Variants in ABCC3 observed in about 807,000 individuals in gnomAD.
ABCC3 encodes ATP-binding cassette sub-family C member 3.
Under a neutral mutation model 165.3 loss-of-function variants are expected in ABCC3, and 121 were observed. The ratio of observed to expected loss-of-function variants is 0.73; its 90% confidence interval spans 0.63 to 0.85. The LOEUF (loss-of-function observed/expected upper bound fraction) is 0.85. Ranked by LOEUF, ABCC3 falls within the 40% of genes least tolerant of loss-of-function variation. The pLI is 0.00. For missense variants in ABCC3, 1,869 were observed against 1,964.1 expected (o/e 0.95, Z 0.92); for synonymous variants, 733 against 810.1 (o/e 0.90, Z 1.62).
rs771299767 is a variant in ABCC3 at position 50,658,049 on chromosome 17, G to A, written c.487-33G>A. 12 of 1,613,540 alleles carry A rather than the reference G, an allele frequency of 7.4e-6. No homozygotes were observed. The Admixed American group carries it at 2.0e-4, about 27-fold the overall frequency. On this transcript the variant is annotated intron_variant, in intron 4 of 30. Transcript: ENST00000285238. The stretch of plus-strand genomic sequence containing the variant: ...GGGGCTGCAGGCCCAGGCTTTTCCA[G>A]TGCTTCTGACGCCCCTCCACTCTCC...
At chr17:50,650,144 C>T (rs540332059) in intron 1 of ABCC3, among the ~76,000 whole-genome samples, 11 of 152,178 alleles carry the variant, frequency 7.2e-5, no homozygotes, top group Non-Finnish European at 1.3e-4. Flanking sequence ...TAGCTCTTAT[C>T]GCCCAGGCTG....
chr17:50,649,300 G>A (rs564632660), intron 1 of ABCC3, among the ~76,000 whole-genome samples: 1 of 152,132 alleles, frequency 6.6e-6, no homozygotes, highest in Non-Finnish European at 1.5e-5. Context: ...TTAATGGACA[G>A]AGAAAGGAAT....
intron 23 of ABCC3, 50 bp downstream of exon 23, chr17:50,676,638 G>A (rs781764391): frequency 3.3e-6 from 2 of 599,730 alleles, no homozygotes; most frequent in Admixed American, 2.2e-5. Flanking sequence ...TTGGGGCGGG[G>A]CAACACATGG....
chr17:50,639,780 T>TG (rs2054211300), intron 1 of ABCC3, among the ~76,000 whole-genome samples: 1 of 149,624 alleles, frequency 6.7e-6, no homozygotes. Flanking sequence ...TTTTTTTTTT[T>TG]TGTGACAGAG....
intron 26 of ABCC3, among the ~76,000 whole-genome samples, chr17:50,682,769 C>T (rs76680583): frequency 4.6e-5 from 7 of 152,200 alleles, no homozygotes; most frequent in East Asian, 3.9e-4. Context: ...TCTACTAGAA[C>T]ATAAATCTCA....
At chr17:50,682,462 C>G (rs1967945936) in intron 26 of ABCC3, among the ~76,000 whole-genome samples, 1 of 152,024 alleles carries the variant, frequency 6.6e-6, no homozygotes, top group African/African-American at 2.4e-5. Context: ...CCTGCAAGGC[C>G]CTACATGATG....
At chr17:50,681,137 C>T (rs1023848153) in intron 26 of ABCC3, among the ~76,000 whole-genome samples, 11 of 152,050 alleles carry the variant, frequency 7.2e-5, no homozygotes, top group Non-Finnish European at 1.0e-4. Context: ...CCACACACCA[C>T]GGCTGCATGT....
intron 26 of ABCC3, 32 bp from the exon 27 acceptor site, chr17:50,683,578 G>A: frequency 6.6e-7 from 1 of 1,514,186 alleles, no homozygotes; most frequent in East Asian, 2.4e-5. Flanking sequence ...TCACTGGGCA[G>A]CTGATGTGAC....
Position 50,669,398 on chromosome 17 carries a change from C to G in ABCC3, c.2111C>G (p.Thr704Ser). The change falls in exon 17 of 31, where the codon ACT (threonine) becomes AGT (serine). Residue 704 changes from threonine to serine, a missense_variant. By Grantham distance (58) the Thr-to-Ser change is moderately conservative. Transcript: ENST00000285238. ...CAGCAGGCATGGATCCAGAACTGCA[C>G]TCTTCAGGAAAACGTGCTTTTCGGC... ...VPQQAWIQNC[T>S]LQENVLFGKA... 1 of 1,614,264 alleles carries G rather than the reference C, an allele frequency of 6.2e-7. No homozygotes were observed. The highest frequency in any genetic ancestry group is 2.2e-5 in the East Asian group (1 of 44,890).
intron 4 of ABCC3, 30 bp downstream of exon 4, chr17:50,657,213 G>A (rs779837498): frequency 6.2e-7 from 1 of 1,608,638 alleles, no homozygotes; most frequent in South Asian, 1.1e-5. Context: ...GAACCTGCCA[G>A]GTTTAGCCCT....
Position 50,684,738 on chromosome 17 carries a change from C to T in ABCC3, c.4143C>T (p.Arg1381=). 6.2e-7 allele frequency: 1 copy of T among 1,614,152 alleles called. No homozygotes were observed. The highest frequency in any genetic ancestry group is 8.5e-7 in the Non-Finnish European group (1 of 1,180,026). The change falls in exon 29 of 31, where the codon CGC becomes CGT. Residue 1381 remains arginine, a synonymous_variant. Coordinates refer to ENST00000285238, the MANE Select transcript of ABCC3 (RefSeq NM_003786.4). The part of the protein sequence containing the change: ...QDPILFSGTL[R]MNLDPFGSYS... The stretch of plus-strand genomic sequence containing the variant: ...CCATCCTGTTCTCGGGGACCCTGCG[C>T]ATGAACCTGGACCCCTTCGGCAGCT...
In ABCC3 at chr17:50,676,456, T is replaced by G; in HGVS notation, c.3246T>G (p.Val1082=). The G allele has an allele frequency of 6.2e-7, 1 of 1,614,236 alleles. No individual in the cohort carries two copies. Residue 1082 remains valine (V), a synonymous_variant, in exon 23 of 31, where the codon GTT becomes GTG. Coordinates refer to ENST00000285238, the MANE Select transcript of ABCC3 (RefSeq NM_003786.4). The part of the protein sequence containing the change: ...FSKDIYVVDE[V]LAPVILMLLN... ...AGGACATCTATGTCGTTGATGAGGT[T>G]CTGGCCCCTGTCATCCTCATGCTGC...
At chr17:50,685,359 G>T (rs1968006332) in intron 29 of ABCC3, among the ~76,000 whole-genome samples, 1 of 152,184 alleles carries the variant, frequency 6.6e-6, no homozygotes, top group Admixed American at 6.5e-5. Flanking sequence ...GGGGCTAGTT[G>T]CTTAACCTCT....
At chr17:50,657,024 C>T (rs750937949) in intron 3 of ABCC3, 22 bp from the exon 4 acceptor site, 2 of 1,608,898 alleles carry the variant, frequency 1.2e-6, no homozygotes, top group East Asian at 4.5e-5. Flanking sequence ...TCTGCCCGGG[C>T]CTCCCTGCCC....
At chr17:50,667,790 C>T (rs766367952) in intron 12 of ABCC3, 33 bp downstream of exon 12, 1 of 1,613,818 alleles carries the variant, frequency 6.2e-7, no homozygotes, top group Non-Finnish European at 8.5e-7. Context: ...GTCCCTGCCT[C>T]CAGGGCTCTG....
chr17:50,674,441 A>C (rs1340069269), intron 19 of ABCC3: 4 of 152,188 alleles, frequency 2.6e-5, no homozygotes, highest in Non-Finnish European at 5.9e-5. Context: ...CTTCATGGAT[A>C]AATAGTTTGG....
chr17:50,676,159 A>C, intron 22 of ABCC3, 69 bp downstream of exon 22: 1 of 1,601,484 alleles, frequency 6.2e-7, no homozygotes, highest in Non-Finnish European at 8.5e-7. Flanking sequence ...GGCCCCCCAA[A>C]CCGTGCCCTT....
At chr17:50,642,794 G>A (rs1966916710) in intron 1 of ABCC3, among the ~76,000 whole-genome samples, 2 of 152,168 alleles carry the variant, frequency 1.3e-5, no homozygotes, top group Admixed American at 6.5e-5. Flanking sequence ...TGCACACAGC[G>A]ATTCCCACCA....
chr17:50,646,602 C>T (rs1967006210), intron 1 of ABCC3, among the ~76,000 whole-genome samples: 1 of 152,120 alleles, frequency 6.6e-6, no homozygotes, highest in African/African-American at 2.4e-5. Flanking sequence ...CCCTCTTGCA[C>T]CAGGCAGGGG....
Sources: gnomAD v4.1 joint callset for allele counts (sites outside exome capture counted in the v4.1 genomes callset) on GRCh38, gnomAD v4.1.1 for gene constraint, MANE v1.5 for transcripts, NCBI Gene and HGNC (gene_info 2026-07-23, HGNC 2026-07-21) for gene names.